The following CDH13 variants were observed in gnomAD, a reference collection of about 807,000 sequenced individuals.
The protein encoded by CDH13 is cadherin-13.
CDH13 carries 24 observed loss-of-function variants against 63.8 expected under a neutral mutation model. That is an observed-to-expected ratio of 0.38 (90% CI 0.27 to 0.53). The LOEUF is 0.53. Ranked by LOEUF, CDH13 falls within the 20% of genes least tolerant of loss-of-function variation. The pLI is 0.85. For missense variants in CDH13, 1,049 were observed against 903.1 expected (o/e 1.16, Z -2.07); for synonymous variants, 503 against 355.3 (o/e 1.42, Z -4.67).
At chr16:83,192,254 G>C (rs992619500) in intron 4 of CDH13, among the ~76,000 whole-genome samples, 1 of 152,108 alleles carries the variant, frequency 6.6e-6, no homozygotes, top group Non-Finnish European at 1.5e-5. Flanking sequence ...CACTGTACTT[G>C]ACCTTCATGC....
chr16:83,714,116 G>A (rs1360459463), intron 10 of CDH13, among the ~76,000 whole-genome samples: 1 of 152,178 alleles, frequency 6.6e-6, no homozygotes, highest in African/African-American at 2.4e-5. Context: ...GCCAAATCAG[G>A]TGGTCTTACA....
At chr16:82,814,555 G>C (rs1270797154) in intron 1 of CDH13, among the ~76,000 whole-genome samples, 1 of 152,142 alleles carries the variant, frequency 6.6e-6, no homozygotes, top group African/African-American at 2.4e-5. Flanking sequence ...GTTTCTGGAG[G>C]GTGGTGTGCC....
chr16:82,797,990 A>G (rs1330454010), intron 1 of CDH13, among the ~76,000 whole-genome samples: 1 of 152,154 alleles, frequency 6.6e-6, no homozygotes, highest in African/African-American at 2.4e-5. Flanking sequence ...ATGGATCCAG[A>G]TTTAAGATGT....
chr16:83,059,975 G>C (rs1277005620), intron 3 of CDH13, among the ~76,000 whole-genome samples: 1 of 151,488 alleles, frequency 6.6e-6, no homozygotes, highest in Non-Finnish European at 1.5e-5. Context: ...TTTGTATTTA[G>C]AGTAGAGACG....
intron 2 of CDH13, among the ~76,000 whole-genome samples, chr16:82,921,825 T>G (rs2042164610): frequency 6.6e-6 from 1 of 152,222 alleles, no homozygotes; most frequent in African/African-American, 2.4e-5. Context: ...AATACTGGTA[T>G]TATTTCCTCT....
intron 2 of CDH13, among the ~76,000 whole-genome samples, chr16:83,010,004 A>G (rs1357778671): frequency 6.6e-6 from 1 of 152,022 alleles, no homozygotes; most frequent in East Asian, 1.9e-4. Context: ...GCATGGCGGC[A>G]CACGCCTGTA....
chr16:82,942,992 G>A (rs982528860), intron 2 of CDH13, among the ~76,000 whole-genome samples: 2 of 152,156 alleles, frequency 1.3e-5, no homozygotes. Flanking sequence ...TTATTTGTAT[G>A]CCTAACTAAG....
intron 2 of CDH13, chr16:82,859,482 C>T (rs989878584): frequency 6.6e-6 from 1 of 151,954 alleles, no homozygotes; most frequent in African/African-American, 2.4e-5. Context: ...CGCTTTAACC[C>T]AGGAGGTGGA....
At chr16:82,953,840 A>G (rs1170422891) in intron 2 of CDH13, 1 of 152,212 alleles carries the variant, frequency 6.6e-6, no homozygotes, top group Admixed American at 6.5e-5. Context: ...GTTTTTAGTA[A>G]TAACAACGAC....
chr16:82,813,679 T>G (rs531986189), intron 1 of CDH13, among the ~76,000 whole-genome samples: 1 of 152,232 alleles, frequency 6.6e-6, no homozygotes, highest in Non-Finnish European at 1.5e-5. Flanking sequence ...TATTACCTTC[T>G]AGAGCCTGTG....
At chr16:82,660,657 G>A (rs1911831789) in intron 1 of CDH13, among the ~76,000 whole-genome samples, 1 of 152,072 alleles carries the variant, frequency 6.6e-6, no homozygotes, top group South Asian at 2.1e-4. Context: ...TGTATACCTG[G>A]GACCAAAGAC....
At chr16:82,713,181 A>C (rs2032088936) in intron 1 of CDH13, among the ~76,000 whole-genome samples, 1 of 152,082 alleles carries the variant, frequency 6.6e-6, no homozygotes, top group African/African-American at 2.4e-5. Flanking sequence ...CCCGCATAAG[A>C]ATCTTTTGGA....
At chr16:83,595,919 C>T (rs1439224067) in intron 7 of CDH13, among the ~76,000 whole-genome samples, 1 of 152,198 alleles carries the variant, frequency 6.6e-6, no homozygotes, top group Non-Finnish European at 1.5e-5. Context: ...GAATGAGTTA[C>T]AGAATCAACG....
intron 3 of CDH13, among the ~76,000 whole-genome samples, chr16:83,076,583 A>G (rs1039133699): frequency 4.6e-5 from 7 of 152,164 alleles, no homozygotes; most frequent in African/African-American, 7.2e-5. Flanking sequence ...TCGATTCTAC[A>G]GTTTACATTT....
intron 10 of CDH13, chr16:83,728,780 T>G (rs1267264218): frequency 6.6e-6 from 1 of 152,236 alleles, no homozygotes; most frequent in East Asian, 1.9e-4. Flanking sequence ...TGGTTCAACC[T>G]AATATTTAGA....
chr16:83,103,964 T>C (rs1267560683), intron 3 of CDH13, among the ~76,000 whole-genome samples: 1 of 152,242 alleles, frequency 6.6e-6, no homozygotes, highest in Non-Finnish European at 1.5e-5. Flanking sequence ...GTTCACAGAA[T>C]AGCTGGTATG....
intron 8 of CDH13, among the ~76,000 whole-genome samples, chr16:83,657,350 G>A (rs1227185737): frequency 2.0e-5 from 3 of 152,156 alleles, no homozygotes; most frequent in Non-Finnish European, 2.9e-5. Flanking sequence ...CCCATAGACC[G>A]TCAAGAAGAC....
At chr16:82,699,184 A>G (rs1302898974) in intron 1 of CDH13, among the ~76,000 whole-genome samples, 2 of 152,148 alleles carry the variant, frequency 1.3e-5, no homozygotes, top group Admixed American at 6.5e-5. Context: ...CCCCTTTCAT[A>G]TGGGGAGAGA....
chr16:83,373,474 C>T (rs763026338), intron 6 of CDH13, among the ~76,000 whole-genome samples: 7 of 152,026 alleles, frequency 4.6e-5, no homozygotes, highest in Non-Finnish European at 8.8e-5. Flanking sequence ...AACCTATGTA[C>T]GAAGACCTGA....
Sources: gnomAD v4.1 joint callset for allele counts (sites outside exome capture counted in the v4.1 genomes callset) on GRCh38, gnomAD v4.1.1 for gene constraint, MANE v1.5 for transcripts, NCBI Gene and HGNC (gene_info 2026-07-23, HGNC 2026-07-21) for gene names.